The following HSD17B3 variants were observed in gnomAD, a reference collection of about 807,000 sequenced individuals.
The protein encoded by HSD17B3 is 17-beta-hydroxysteroid dehydrogenase type 3.
HSD17B3 carries 29 observed loss-of-function variants against 41.1 expected under a neutral mutation model. That is an observed-to-expected ratio of 0.71 (90% CI 0.53 to 0.96). HSD17B3 has a LOEUF of 0.96. Ranked by LOEUF, HSD17B3 falls within the 40% of genes least tolerant of loss-of-function variation. The pLI, the probability that HSD17B3 is intolerant of heterozygous loss-of-function variation, is 0.00. For missense variants in HSD17B3, 323 were observed against 374.6 expected, an observed-to-expected ratio of 0.86 and a Z score of 1.14; for synonymous variants, 126 against 145.6, an observed-to-expected ratio of 0.87 and a Z score of 0.97.
chr9:96,250,887 CAAA>C (rs34131940), intron 5 of HSD17B3, among the ~76,000 whole-genome samples: 2 of 115,302 alleles, frequency 1.7e-5, no homozygotes, highest in Admixed American at 9.5e-5. Flanking sequence ...GACTCCATCT[CAAA>C]AAAAAAAAAA....
At chr9:96,259,016 T>C (rs1336686208) in intron 2 of HSD17B3, among the ~76,000 whole-genome samples, 2 of 152,204 alleles carry the variant, frequency 1.3e-5, no homozygotes, top group Non-Finnish European at 2.9e-5. Context: ...GTCTCTAAGA[T>C]TGCCCTGGGC....
intron 2 of HSD17B3, chr9:96,256,279 T>C (rs1268464715): frequency 2.0e-5 from 3 of 152,206 alleles, no homozygotes; most frequent in Admixed American, 6.5e-5. Context: ...ATGTTCTCTG[T>C]ATGGTTCCAA....
At chr9:96,277,927 A>G (rs1022834755) in intron 2 of HSD17B3, among the ~76,000 whole-genome samples, 21 of 152,194 alleles carry the variant, frequency 1.4e-4, no homozygotes, top group African/African-American at 5.1e-4. Context: ...TTATGACAAC[A>G]TGGATAAATG....
At chr9:96,290,574 C>T (rs1456886154) in intron 2 of HSD17B3, among the ~76,000 whole-genome samples, 1 of 150,792 alleles carries the variant, frequency 6.6e-6, no homozygotes, top group Non-Finnish European at 1.5e-5. Flanking sequence ...TGGCTCACAC[C>T]TGTAATCCCA....
At chr9:96,280,641 A>G (rs1394384411) in intron 2 of HSD17B3, among the ~76,000 whole-genome samples, 1 of 152,196 alleles carries the variant, frequency 6.6e-6, no homozygotes, top group Non-Finnish European at 1.5e-5. Context: ...TTTGAGCCAC[A>G]GCAACTCCAT....
intron 7 of HSD17B3, 101 bp from the exon 8 acceptor site, chr9:96,245,527 C>T: frequency 1.2e-6 from 1 of 845,430 alleles, no homozygotes. Flanking sequence ...CGGACTCGAC[C>T]CTTTCTAGGC....
At chr9:96,244,786 T>C (rs1036479057) in intron 8 of HSD17B3, among the ~76,000 whole-genome samples, 6 of 152,192 alleles carry the variant, frequency 3.9e-5, no homozygotes, top group African/African-American at 1.4e-4. Flanking sequence ...CAATTTTTAT[T>C]TGTCAAGTAC....
At position 96,245,365 on chromosome 9, in the gene HSD17B3, A is replaced by G; in HGVS notation, c.586T>C (p.Ser196Pro). The G allele has an allele frequency of 6.2e-7, 1 of 1,613,522 alleles. No individual in the cohort carries two copies. Among genetic ancestry groups the G allele is most frequent in the Non-Finnish European group, 8.5e-7 (1 of 1,179,438 alleles). Residue 196 changes from serine (S) to proline (P), a missense_variant, in exon 8 of 11, where the codon TCC becomes CCC. Physicochemically the swap from Ser to Pro is moderately conservative, Grantham distance 74 (BLOSUM62 -1). Coordinates refer to ENST00000375263, the MANE Select transcript of HSD17B3 (RefSeq NM_000197.2). ...GIALFPWPLYSMYSASKAFVC... is the reference protein window; with the variant it reads ...GIALFPWPLYPMYSASKAFVC... ...CTCACCTTGGAAGCTGAGTACATGG[A>G]GTAGAGAGGCCAAGGAAACAGGGCT... is the stretch of plus-strand genomic sequence containing the variant.
intron 2 of HSD17B3, among the ~76,000 whole-genome samples, chr9:96,255,367 C>CTTTCTTTTTT (rs1825597870): frequency 1.8e-5 from 1 of 54,546 alleles, no homozygotes; most frequent in Admixed American, 2.8e-4. Flanking sequence ...CCCAACATTT[C>CTTTCTTTTTT]TTTTTTTTTT....
At chr9:96,258,812 T>C (rs914767062) in intron 2 of HSD17B3, among the ~76,000 whole-genome samples, 1 of 152,232 alleles carries the variant, frequency 6.6e-6, no homozygotes, top group East Asian at 1.9e-4. Context: ...AGTTTTTTCA[T>C]GTAAATCCTG....
rs35941200 is a variant in HSD17B3 at position 96,287,869 on chromosome 9, CAA to C, written c.201+10545_201+10546del. Among the ~76,000 whole-genome samples the C allele has an allele frequency of 8.9e-3, 1,029 of 116,004 alleles. 9 individuals carry two copies. The highest frequency in any genetic ancestry group is 0.027 in the African/African-American group (917 of 34,044). 76.1% of individuals were successfully genotyped at this position (116,004 alleles called of 152,430 possible). ...TCACAGCAGCATTATTCATAATAGC[CAA>C]AAAAAAAAAAAAAATGGAAACAACT... On this transcript the variant is annotated intron_variant, in intron 2 of 10. Transcript: ENST00000375263.
At chr9:96,286,300 C>T (rs1313929437) in intron 2 of HSD17B3, among the ~76,000 whole-genome samples, 1 of 151,324 alleles carries the variant, frequency 6.6e-6, no homozygotes, top group Non-Finnish European at 1.5e-5. Flanking sequence ...GCCAAGATCA[C>T]ACCACTGCGC....
intron 2 of HSD17B3, among the ~76,000 whole-genome samples, chr9:96,268,185 A>G (rs1826111636): frequency 6.6e-6 from 1 of 152,170 alleles, no homozygotes; most frequent in South Asian, 2.1e-4. Flanking sequence ...TTGGCCTCCC[A>G]AAGTGCTGGG....
chr9:96,258,288 T>C (rs1825741592), intron 2 of HSD17B3, among the ~76,000 whole-genome samples: 2 of 152,238 alleles, frequency 1.3e-5, no homozygotes, highest in Admixed American at 1.3e-4. Flanking sequence ...TTTCTGAGAA[T>C]GGTATGAGGT....
At position 96,254,887 on chromosome 9, in the gene HSD17B3, C is replaced by T. The variant is rs758202098; in HGVS notation, c.258G>A (p.Glu86=). The T allele has an allele frequency of 1.2e-6, 2 of 1,614,090 alleles. No individual in the cohort carries two copies. The highest frequency in any genetic ancestry group is 1.1e-5 in the South Asian group (1 of 91,044). The part of the protein sequence containing the change: ...VLISRTLEKL[E]AIATEIERTT... ...ACTCACCGATCTCTGTGGCAATGGC[C>T]TCTAGTTTTTCCAGCGTCCGGCTAA... The change falls in exon 3 of 11, where the codon GAG becomes GAA. Residue 86 remains glutamate, a synonymous_variant. Transcript: ENST00000375263.
chr9:96,246,709 C>A (rs1298681725), intron 6 of HSD17B3, 119 bp from the exon 7 acceptor site: 2 of 898,792 alleles, frequency 2.2e-6, no homozygotes. Context: ...TCTTCTCAGA[C>A]GGCCTTGAAA....
At chr9:96,241,273 G>A (rs999737523) in intron 9 of HSD17B3, among the ~76,000 whole-genome samples, 3 of 152,142 alleles carry the variant, frequency 2.0e-5, no homozygotes, top group Admixed American at 6.5e-5. Context: ...CAGCACAATC[G>A]TATCCCAAGT....
At chr9:96,258,961 T>C (rs1825763626) in intron 2 of HSD17B3, among the ~76,000 whole-genome samples, 1 of 152,210 alleles carries the variant, frequency 6.6e-6, no homozygotes, top group Admixed American at 6.5e-5. Context: ...TGGGAACCCA[T>C]TCAGGACCCA....
At chr9:96,249,910 C>T in intron 5 of HSD17B3, 124 bp from the exon 6 acceptor site, 1 of 1,577,938 alleles carries the variant, frequency 6.3e-7, no homozygotes, top group Non-Finnish European at 8.6e-7. Context: ...CATCACTCAC[C>T]CTGCAAATTA....
Sources: gnomAD v4.1 joint callset for allele counts (sites outside exome capture counted in the v4.1 genomes callset) on GRCh38, gnomAD v4.1.1 for gene constraint, MANE v1.5 for transcripts, NCBI Gene and HGNC (gene_info 2026-07-23, HGNC 2026-07-21) for gene names.